Variants in CDH13 observed in about 807,000 individuals in gnomAD.
The protein encoded by CDH13 is cadherin 13.
CDH13 carries 24 observed loss-of-function variants against 63.8 expected under a neutral mutation model. The observed-to-expected ratio is 0.38, with a 90% confidence interval of 0.27 to 0.53. The LOEUF is 0.53. Ranked by LOEUF, CDH13 falls within the 20% of genes least tolerant of loss-of-function variation. CDH13 has a pLI of 0.85. For missense variants in CDH13, 1,049 were observed against 903.1 expected (o/e 1.16, Z -2.07); for synonymous variants, 503 against 355.3 (o/e 1.42, Z -4.67).
chr16:83,563,100 G>A (rs539822702), intron 7 of CDH13, among the ~76,000 whole-genome samples: 33 of 152,214 alleles, frequency 2.2e-4, no homozygotes, highest in Non-Finnish European at 4.4e-4. Context: ...TGAATGATGC[G>A]TGAATTAATG....
chr16:83,405,645 C>T (rs2092031283), intron 6 of CDH13, among the ~76,000 whole-genome samples: 2 of 152,234 alleles, frequency 1.3e-5, no homozygotes, highest in African/African-American at 4.8e-5. Context: ...CTGTGATAAT[C>T]TGTTACAGCC....
chr16:83,712,992 C>G (rs1416822512), intron 10 of CDH13, among the ~76,000 whole-genome samples: 1 of 152,190 alleles, frequency 6.6e-6, no homozygotes, highest in Non-Finnish European at 1.5e-5. Context: ...GTGGAGAGCT[C>G]TGTTGCTTTC....
At chr16:83,519,324 C>T (rs1379698959) in intron 7 of CDH13, among the ~76,000 whole-genome samples, 1 of 152,288 alleles carries the variant, frequency 6.6e-6, no homozygotes, top group East Asian at 1.9e-4. Flanking sequence ...AGGAAAACTG[C>T]AACATATGAA....
chr16:82,627,837 C>A (rs1309991091), intron 1 of CDH13, among the ~76,000 whole-genome samples: 1 of 152,256 alleles, frequency 6.6e-6, no homozygotes, highest in African/African-American at 2.4e-5. Flanking sequence ...GCCCCCCGCA[C>A]CCCTATTGTC....
At chr16:83,311,682 T>C (rs1309129305) in intron 5 of CDH13, among the ~76,000 whole-genome samples, 2 of 152,204 alleles carry the variant, frequency 1.3e-5, no homozygotes, top group East Asian at 1.9e-4. Context: ...ACCCAATTAG[T>C]CTGACTCAAG....
chr16:83,061,494 G>C (rs1476260102), intron 3 of CDH13, among the ~76,000 whole-genome samples: 2 of 152,164 alleles, frequency 1.3e-5, no homozygotes, highest in Non-Finnish European at 2.9e-5. Context: ...CAGAAAATGA[G>C]TGAGCAATGC....
chr16:83,487,711 G>C (rs901657645), intron 7 of CDH13, among the ~76,000 whole-genome samples: 7 of 146,726 alleles, frequency 4.8e-5, no homozygotes, highest in Admixed American at 1.3e-4. Flanking sequence ...CCTTGGAGTT[G>C]TCCTTGACCT....
Position 83,200,909 on chromosome 16 carries a change from C to G in CDH13, c.484-16436C>G, listed in dbSNP as rs78981328. 3.9e-3 allele frequency among the ~76,000 whole-genome samples: 574 copies of G among 147,746 alleles called. 6 individuals are homozygous for G. The highest frequency in any genetic ancestry group is 0.014 in the African/African-American group (542 of 39,896). The stretch of plus-strand genomic sequence containing the variant: ...GTTAATTTTCAGGGAGCAAGATTCT[C>G]TAGTCTTAAAAATGTGTGTGTGTGT... On this transcript the variant is annotated intron_variant, in intron 4 of 13. Coordinates refer to ENST00000567109, the MANE Select transcript of CDH13 (RefSeq NM_001257.5).
At chr16:83,211,106 C>G (rs1331150952) in intron 4 of CDH13, among the ~76,000 whole-genome samples, 2 of 150,870 alleles carry the variant, frequency 1.3e-5, no homozygotes, top group Non-Finnish European at 2.9e-5. Context: ...CAAGATCACA[C>G]CAGTGCACTC....
chr16:82,954,571 A>G (rs551543742), intron 2 of CDH13: 2 of 152,274 alleles, frequency 1.3e-5, no homozygotes, highest in East Asian at 1.9e-4. Flanking sequence ...CCAATGTCCA[A>G]TAATGTACCA....
At chr16:83,548,251 A>G (rs1034999659) in intron 7 of CDH13, among the ~76,000 whole-genome samples, 4 of 152,192 alleles carry the variant, frequency 2.6e-5, no homozygotes, top group Non-Finnish European at 5.9e-5. Context: ...TATTTAGCTC[A>G]GTGGTCCTAA....
chr16:83,268,166 A>G (rs576167247), intron 5 of CDH13, among the ~76,000 whole-genome samples: 1 of 152,288 alleles, frequency 6.6e-6, no homozygotes, highest in East Asian at 1.9e-4. Flanking sequence ...TAATTGACAT[A>G]ATTATAAGTG....
intron 5 of CDH13, among the ~76,000 whole-genome samples, chr16:83,276,624 A>G (rs1053438439): frequency 5.9e-5 from 9 of 152,214 alleles, no homozygotes; most frequent in Admixed American, 4.6e-4. Flanking sequence ...TAATCCCAGC[A>G]CTTTGGGAGG....
intron 2 of CDH13, among the ~76,000 whole-genome samples, chr16:82,924,502 G>T (rs1410257043): frequency 6.6e-6 from 1 of 152,124 alleles, no homozygotes; most frequent in East Asian, 1.9e-4. Flanking sequence ...TGCATTTGTG[G>T]CTTTTATTTC....
At chr16:83,388,907 C>G (rs1270004334) in intron 6 of CDH13, among the ~76,000 whole-genome samples, 2 of 152,146 alleles carry the variant, frequency 1.3e-5, no homozygotes, top group African/African-American at 4.8e-5. Flanking sequence ...GATCTGTGTG[C>G]TCATAAGGTG....
intron 3 of CDH13, among the ~76,000 whole-genome samples, chr16:83,106,889 G>A (rs558705318): frequency 2.0e-4 from 31 of 152,172 alleles, no homozygotes; most frequent in African/African-American, 6.5e-4. Context: ...CCTATTCTAT[G>A]TGGATGATTT....
Position 83,370,660 on chromosome 16 carries a change from C to G in CDH13, c.781+25654C>G, listed in dbSNP as rs372146051. On this transcript the variant is annotated intron_variant, in intron 6 of 13. Coordinates refer to ENST00000567109, the MANE Select transcript of CDH13 (RefSeq NM_001257.5). The stretch of plus-strand genomic sequence containing the variant: ...TAGGTAGGCCCTGGTGACTGTTGAT[C>G]CCTTCTTCGTGTTCTTGTGTACTCA... Among the ~76,000 whole-genome samples, 10 of 152,212 alleles carry G rather than the reference C, an allele frequency of 6.6e-5. No homozygotes were observed. In the South Asian group the frequency reaches 1.0e-3, roughly 16 times the overall value.
chr16:83,231,481 G>C (rs2039996493), intron 5 of CDH13, among the ~76,000 whole-genome samples: 1 of 152,170 alleles, frequency 6.6e-6, no homozygotes, highest in Non-Finnish European at 1.5e-5. Flanking sequence ...CTTTGAGGTA[G>C]TGAGTCCCCT....
intron 3 of CDH13, among the ~76,000 whole-genome samples, chr16:83,111,889 T>G (rs1412805966): frequency 1.3e-5 from 2 of 152,208 alleles, no homozygotes; most frequent in Non-Finnish European, 2.9e-5. Context: ...GCATTCAGTC[T>G]TGTTTTCCTG....
Sources: gnomAD v4.1 joint callset for allele counts (sites outside exome capture counted in the v4.1 genomes callset) on GRCh38, gnomAD v4.1.1 for gene constraint, MANE v1.5 for transcripts, NCBI Gene and HGNC (gene_info 2026-07-23, HGNC 2026-07-21) for gene names.